The following FCHO2 variants were observed in gnomAD, a reference collection of about 807,000 sequenced individuals.
FCHO2 encodes the protein F-BAR domain only protein 2.
Under a neutral mutation model 114.1 loss-of-function variants are expected in FCHO2, and 43 were observed. The observed-to-expected ratio is 0.38, with a 90% CI of 0.30 to 0.49. The LOEUF is 0.49. Among genes scored for constraint, FCHO2 ranks in the 20% least tolerant of loss-of-function variants. FCHO2 has a pLI of 0.97. For missense variants in FCHO2, 807 were observed against 950.4 expected (o/e 0.85, Z 1.98); for synonymous variants, 293 against 315.2 (o/e 0.93, Z 0.75).
intron 1 of FCHO2, among the ~76,000 whole-genome samples, chr5:72,966,591 C>T (rs1334609190): frequency 1.3e-5 from 2 of 152,144 alleles, no homozygotes; most frequent in Non-Finnish European, 2.9e-5. Flanking sequence ...TTCATATTAT[C>T]TTGTTACAGA....
chr5:72,973,185 C>T (rs867772644), intron 2 of FCHO2, among the ~76,000 whole-genome samples: 1,625 of 152,138 alleles, frequency 0.011, 24 homozygotes, highest in African/African-American at 0.037. Context: ...TGTCTCTGCC[C>T]AGCTTTGGTA....
At chr5:73,045,016 T>C (rs1409364711) in intron 11 of FCHO2, among the ~76,000 whole-genome samples, 1 of 152,230 alleles carries the variant, frequency 6.6e-6, no homozygotes, top group Non-Finnish European at 1.5e-5. Flanking sequence ...AAAAAGATAG[T>C]ACACTGAGAA....
intron 17 of FCHO2, 119 bp downstream of exon 17, chr5:73,058,643 T>A (rs915674008): frequency 4.7e-6 from 2 of 421,160 alleles, no homozygotes; most frequent in Non-Finnish European, 8.1e-6. Flanking sequence ...TTGTCCTCTG[T>A]ATTGCCAAAT....
Position 73,054,524 on chromosome 5 carries a change from G to T in FCHO2, c.1186-1G>T. The T allele has an allele frequency of 6.5e-7, 1 of 1,539,804 alleles. No individual in the cohort carries two copies. Among genetic ancestry groups the T allele is most frequent in the African/African-American group, 1.4e-5 (1 of 72,612 alleles). On this transcript the variant is annotated splice_acceptor_variant, in intron 14 of 25. Coordinates refer to ENST00000430046, the MANE Select transcript of FCHO2 (RefSeq NM_138782.3). LOFTEE classifies it high-confidence loss of function. ...GTACCTATTTTGCATCTCTGTTTTA[G>T]GTACAGATGAATCGGAATTTGTCTA...
At chr5:73,052,182 C>A in intron 12 of FCHO2, 150 bp from the exon 13 acceptor site, 2 of 709,490 alleles carry the variant, frequency 2.8e-6, no homozygotes, top group Non-Finnish European at 4.6e-6. Flanking sequence ...CTTAGCCTCC[C>A]AAAGTCCTGG....
chr5:73,041,937 G>A lies in FCHO2; in HGVS notation c.939+622G>A, dbSNP rs374783986. 2.4e-4 allele frequency among the ~76,000 whole-genome samples: 36 copies of A among 152,138 alleles called. No individual in the cohort carries two copies. In the East Asian group the frequency reaches 6.2e-3, roughly 26 times the overall value. ...TTTTCAAAACTGTTCATTAGATACC[G>A]TTCATGTTGATAAGTATAGGGGTTT... is the stretch of plus-strand genomic sequence containing the variant. On this transcript the variant is annotated intron_variant, in intron 11 of 25. Coordinates refer to ENST00000430046, the MANE Select transcript of FCHO2 (RefSeq NM_138782.3).
intron 5 of FCHO2, among the ~76,000 whole-genome samples, chr5:72,993,179 TAAAC>T (rs1753898671): frequency 6.6e-6 from 1 of 151,604 alleles, no homozygotes; most frequent in African/African-American, 2.4e-5. Flanking sequence ...ATTAAGAAAT[TAAAC>T]GTAATGAAAC....
chr5:73,065,934 T>C (rs1742298512), intron 18 of FCHO2, among the ~76,000 whole-genome samples: 1 of 151,988 alleles, frequency 6.6e-6, no homozygotes, highest in South Asian at 2.1e-4. Flanking sequence ...GTTATTCCAC[T>C]GTATATGTCC....
At chr5:73,084,913 C>T (rs1743242343) in intron 24 of FCHO2, among the ~76,000 whole-genome samples, 2 of 152,150 alleles carry the variant, frequency 1.3e-5, no homozygotes, top group Non-Finnish European at 2.9e-5. Flanking sequence ...AGCTGAAATT[C>T]CTAGTTTAAA....
chr5:72,979,958 T>C (rs560073349), intron 2 of FCHO2, among the ~76,000 whole-genome samples: 3 of 152,346 alleles, frequency 2.0e-5, no homozygotes, highest in Admixed American at 6.5e-5. Context: ...AGTTCTGCTC[T>C]GATCTTAGTT....
chr5:72,981,035 A>T (rs909065288), intron 2 of FCHO2, among the ~76,000 whole-genome samples: 2 of 152,180 alleles, frequency 1.3e-5, no homozygotes, highest in South Asian at 4.1e-4. Flanking sequence ...TTTCTTCATA[A>T]TGTCGGTGGT....
At chr5:73,044,270 T>C (rs981155906) in intron 11 of FCHO2, among the ~76,000 whole-genome samples, 4 of 152,134 alleles carry the variant, frequency 2.6e-5, no homozygotes, top group African/African-American at 9.7e-5. Flanking sequence ...AACAGACGAA[T>C]ACAGTCACCC....
At chr5:73,031,367 A>G (rs2112786507) in intron 8 of FCHO2, among the ~76,000 whole-genome samples, 1 of 152,304 alleles carries the variant, frequency 6.6e-6, no homozygotes, top group East Asian at 1.9e-4. Context: ...CTTGATTTGA[A>G]TAGCCCAGAC....
chr5:72,988,726 A>G (rs1753667523), intron 2 of FCHO2, among the ~76,000 whole-genome samples: 1 of 152,226 alleles, frequency 6.6e-6, no homozygotes, highest in Non-Finnish European at 1.5e-5. Context: ...CTCTTGTTCT[A>G]TTAAATGTGC....
intron 5 of FCHO2, among the ~76,000 whole-genome samples, chr5:72,998,753 A>G (rs1754267411): frequency 6.6e-6 from 1 of 151,490 alleles, no homozygotes; most frequent in Admixed American, 6.6e-5. Context: ...TTACACATAA[A>G]TAAATGATTC....
intron 8 of FCHO2, among the ~76,000 whole-genome samples, chr5:73,028,871 A>C (rs1490946447): frequency 6.6e-6 from 1 of 151,042 alleles, no homozygotes; most frequent in Non-Finnish European, 1.5e-5. Context: ...GTGGTCTTGA[A>C]CTCCTGACCT....
At chr5:73,034,445 CT>C (rs1247656553) in intron 8 of FCHO2, 6 of 448,972 alleles carry the variant, frequency 1.3e-5, no homozygotes, top group Non-Finnish European at 2.3e-5. Flanking sequence ...ATGGGCTAGT[CT>C]TGTTATTTTT....
chr5:72,976,666 C>T (rs955881004), intron 2 of FCHO2, among the ~76,000 whole-genome samples: 4 of 151,786 alleles, frequency 2.6e-5, no homozygotes, highest in African/African-American at 9.7e-5. Context: ...GATATAGGTG[C>T]GAACGTGCAG....
Position 73,041,169 on chromosome 5 carries a change from C to T in FCHO2, c.915-122C>T, listed in dbSNP as rs1328328352. The T allele has an allele frequency of 4.6e-6, 3 of 646,732 alleles. No individual in the cohort carries two copies. The African/African-American group carries it at 5.7e-5, about 12-fold the overall frequency. 40.1% of individuals were successfully genotyped at this position (646,732 alleles called of 1,614,324 possible). A position where few individuals can be genotyped will look rare whatever the true frequency, so the allele number is the denominator to read the frequency against. ...TTTTAATCTTCATGGTTTGATTTCTCTGAATATTTTTTGTAGAGTTTAAAT... is the reference window on the plus strand; with the variant it reads ...TTTTAATCTTCATGGTTTGATTTCTTTGAATATTTTTTGTAGAGTTTAAAT... On this transcript the variant is annotated intron_variant, in intron 10 of 25. Transcript: ENST00000430046.
Sources: allele counts gnomAD v4.1 joint callset (sites outside exome capture counted in the v4.1 genomes callset), GRCh38; gene constraint gnomAD v4.1.1; transcripts MANE v1.5; gene names NCBI Gene and HGNC (gene_info 2026-07-23, HGNC 2026-07-21).